Variants in CTIF observed in about 807,000 individuals in gnomAD.
CTIF encodes CBP80/20-dependent translation initiation factor.
CTIF carries 21 observed loss-of-function variants against 66.0 expected under a neutral mutation model. The ratio of observed to expected loss-of-function variants is 0.32; its 90% CI spans 0.23 to 0.46. The LOEUF (loss-of-function observed/expected upper bound fraction) is 0.46, where lower values mean the gene tolerates loss of function less well. Ranked by LOEUF, CTIF falls within the 20% of genes least tolerant of loss-of-function variation. The pLI is 1.00. For missense variants in CTIF, 739 were observed against 812.7 expected (o/e 0.91, Z 1.10); for synonymous variants, 345 against 326.4 (o/e 1.06, Z -0.62).
chr18:48,851,465 T>A (rs2069198810), intron 10 of CTIF, among the ~76,000 whole-genome samples: 1 of 152,062 alleles, frequency 6.6e-6, no homozygotes, highest in African/African-American at 2.4e-5. Context: ...CCTGTCAGCG[T>A]CTCCCTCTCT....
intron 6 of CTIF, chr18:48,692,508 G>GTTTCC (rs1568141311): frequency 2.0e-5 from 3 of 152,022 alleles, no homozygotes; most frequent in Non-Finnish European, 2.9e-5. Flanking sequence ...CATTCTGCTG[G>GTTTCC]GACATTCTAG....
chr18:48,654,034 C>T (rs7239494), intron 3 of CTIF, among the ~76,000 whole-genome samples: 1 of 152,028 alleles, frequency 6.6e-6, no homozygotes, highest in African/African-American at 2.4e-5. Flanking sequence ...TAGAAGAAAA[C>T]CTAGGCAATA....
Position 48,564,000 on chromosome 18 carries a change from G to A in CTIF, c.-29+24688G>A, listed in dbSNP as rs191394227. ...CGGAATCTCAGTTTCATCTCTGCTG[G>A]AGATTTTTGATCTGGGGGAAAGGCT... is the stretch of plus-strand genomic sequence containing the variant. On this transcript the variant is annotated intron_variant, in intron 1 of 11. Transcript: ENST00000256413. Among the ~76,000 whole-genome samples the A allele has an allele frequency of 3.2e-3, 489 of 152,292 alleles. 1 individual carries two copies. Among genetic ancestry groups the A allele is most frequent in the Middle Eastern group, 0.027 (8 of 294 alleles).
chr18:48,690,768 G>A (rs2091914190), intron 6 of CTIF, among the ~76,000 whole-genome samples: 2 of 151,904 alleles, frequency 1.3e-5, no homozygotes, highest in Admixed American at 6.6e-5. Context: ...GCATGGACTT[G>A]ACCAAGCACC....
rs574937882 is a variant in CTIF, at chr18:48,814,567, C to T, written c.1372-2654C>T. Among the ~76,000 whole-genome samples, 17 of 152,308 alleles carry T rather than the reference C, an allele frequency of 1.1e-4. No individual in the cohort carries two copies. The East Asian group carries it at 3.3e-3, about 29-fold the overall frequency. The stretch of plus-strand genomic sequence containing the variant: ...CCATTTTAAAATGAGAATGGTAATG[C>T]CCACTCTTGCTCAGATCACATAAGA... On this transcript the variant is annotated intron_variant, in intron 9 of 11. Transcript: ENST00000256413.
At chr18:48,721,045 AC>A (rs1220966707) in intron 7 of CTIF, among the ~76,000 whole-genome samples, 2 of 151,924 alleles carry the variant, frequency 1.3e-5, no homozygotes, top group Non-Finnish European at 2.9e-5. Context: ...GAGCCCTGGA[AC>A]CCCCTGTGCC....
chr18:48,659,851 G>C (rs1470816238), intron 3 of CTIF, among the ~76,000 whole-genome samples: 1 of 152,212 alleles, frequency 6.6e-6, no homozygotes, highest in African/African-American at 2.4e-5. Context: ...AAAGAAATAC[G>C]GTGTGTACTG....
chr18:48,827,903 G>A (rs1260087854), intron 10 of CTIF, among the ~76,000 whole-genome samples: 1 of 150,436 alleles, frequency 6.6e-6, no homozygotes, highest in Non-Finnish European at 1.5e-5. Context: ...AGACCCCCAC[G>A]CCCCAAACAT....
At position 48,859,624 on chromosome 18, in the gene CTIF, C is replaced by T; in HGVS notation, c.*65C>T. 6.7e-7 allele frequency: 1 copy of T among 1,481,928 alleles called. No homozygotes were observed. Among genetic ancestry groups the T allele is most frequent in the Non-Finnish European group, 9.4e-7 (1 of 1,061,194 alleles). The allele number at this position is 1,481,928 out of a possible 1,614,324, so 91.8% of individuals were successfully genotyped here. On this transcript the variant is annotated 3_prime_UTR_variant, in exon 12 of 12. Coordinates refer to ENST00000256413, the MANE Select transcript of CTIF (RefSeq NM_014772.3). ...GCCCTGGTGCACAGGGCCAGATGGA[C>T]AGGCGGGAGGACAGGGGTGGCCCTG...
intron 7 of CTIF, among the ~76,000 whole-genome samples, chr18:48,750,590 CA>C (rs2145814495): frequency 6.6e-6 from 1 of 152,354 alleles, no homozygotes; most frequent in South Asian, 2.1e-4. Context: ...GGGCTGTTCC[CA>C]GCACAGATGG....
chr18:48,773,382 G>A (rs1910357712), intron 9 of CTIF, among the ~76,000 whole-genome samples: 1 of 152,202 alleles, frequency 6.6e-6, no homozygotes, highest in Admixed American at 6.5e-5. Flanking sequence ...TCAAAGACCT[G>A]AGCTGTGATG....
intron 6 of CTIF, among the ~76,000 whole-genome samples, chr18:48,681,920 G>C (rs935392149): frequency 1.3e-5 from 2 of 152,156 alleles, no homozygotes; most frequent in African/African-American, 4.8e-5. Context: ...CAAGTAGCTA[G>C]GATTACAGGC....
chr18:48,711,845 TG>T, intron 7 of CTIF, 150 bp downstream of exon 7: 1 of 672,014 alleles, frequency 1.5e-6, no homozygotes, highest in Non-Finnish European at 2.6e-6. Context: ...GGTTACTGGC[TG>T]GGGATTCCCC....
chr18:48,561,598 A>G (rs986676139), intron 1 of CTIF, among the ~76,000 whole-genome samples: 3 of 152,320 alleles, frequency 2.0e-5, no homozygotes, highest in African/African-American at 7.2e-5. Context: ...CCTGTGCCCC[A>G]CTTTCAGGAA....
intron 7 of CTIF, among the ~76,000 whole-genome samples, chr18:48,718,483 A>G (rs2092302235): frequency 6.6e-6 from 1 of 152,222 alleles, no homozygotes; most frequent in African/African-American, 2.4e-5. Flanking sequence ...AAACAGGAGC[A>G]TGTATGAGGT....
intron 7 of CTIF, among the ~76,000 whole-genome samples, chr18:48,728,740 G>C (rs2145627206): frequency 1.1e-5 from 1 of 94,108 alleles, no homozygotes; most frequent in Middle Eastern, 4.6e-3. Context: ...GGGGGAGAGT[G>C]AGAGAGAGAG....
At chr18:48,820,147 C>T (rs922422126) in intron 10 of CTIF, among the ~76,000 whole-genome samples, 20 of 152,192 alleles carry the variant, frequency 1.3e-4, no homozygotes, top group African/African-American at 4.8e-4. Flanking sequence ...TCCTGAACTC[C>T]AGGTAGGGCT....
In CTIF at chr18:48,631,367, G is replaced by A. The variant is rs564675540; in HGVS notation, c.181-5247G>A. 2.1e-3 allele frequency among the ~76,000 whole-genome samples: 321 copies of A among 152,190 alleles called. 1 individual carries two copies. Among genetic ancestry groups the A allele is most frequent in the African/African-American group, 7.2e-3 (297 of 41,424 alleles). On this transcript the variant is annotated intron_variant, in intron 2 of 11. Coordinates refer to ENST00000256413, the MANE Select transcript of CTIF (RefSeq NM_014772.3). ...TGTAGTCCCAGCTACTTGGGAGGCT[G>A]AGGCAGGAGAATTGCTTGAGCCCCA...
chr18:48,673,950 C>T (rs2091581564), intron 6 of CTIF, among the ~76,000 whole-genome samples: 1 of 152,226 alleles, frequency 6.6e-6, no homozygotes, highest in Admixed American at 6.5e-5. Context: ...ATATCAGCTC[C>T]ACTCAGAGCC....
Sources: allele counts gnomAD v4.1 joint callset (sites outside exome capture counted in the v4.1 genomes callset), GRCh38; gene constraint gnomAD v4.1.1; transcripts MANE v1.5; gene names NCBI Gene and HGNC (gene_info 2026-07-23, HGNC 2026-07-21).